Variants in RABGEF1 observed in about 807,000 individuals in gnomAD.
RABGEF1 encodes RAB guanine nucleotide exchange factor 1, also known as rab5 GDP/GTP exchange factor.
A neutral mutation model predicts 57.3 loss-of-function variants in RABGEF1; 26 were observed. That is an observed-to-expected ratio of 0.45 (90% confidence interval 0.33 to 0.63). The LOEUF (loss-of-function observed/expected upper bound fraction) is 0.63. RABGEF1 is among the 20% of genes least tolerant of loss of function. The probability of loss-of-function intolerance (pLI) is 0.02; values close to 1 mark genes in which losing one functional copy is unlikely to be tolerated. For synonymous variants in RABGEF1, 185 were observed against 210.7 expected (o/e 0.88, Z 1.06); for missense variants, 464 against 607.6 (o/e 0.76, Z 2.48).
intron 1 of RABGEF1, among the ~76,000 whole-genome samples, chr7:66,763,884 T>C (rs1385205047): frequency 1.3e-5 from 2 of 152,244 alleles, no homozygotes; most frequent in Non-Finnish European, 2.9e-5. Context: ...AATTCATCAG[T>C]TGATGTACAT....
At chr7:66,682,930 G>T (rs1441718077) in intron 1 of RABGEF1, among the ~76,000 whole-genome samples, 2 of 152,152 alleles carry the variant, frequency 1.3e-5, no homozygotes, top group African/African-American at 4.8e-5. Context: ...GGACTCTGCC[G>T]CTTTGGAGGC....
chr7:66,778,102 T>C (rs1272781416), intron 3 of RABGEF1, among the ~76,000 whole-genome samples: 1 of 152,166 alleles, frequency 6.6e-6, no homozygotes, highest in African/African-American at 2.4e-5. Context: ...GTTTGGCCAT[T>C]GTGTTTGGAT....
At chr7:66,757,588 A>G (rs187015778) in intron 1 of RABGEF1, among the ~76,000 whole-genome samples, 6 of 152,328 alleles carry the variant, frequency 3.9e-5, no homozygotes, top group Admixed American at 3.3e-4. Flanking sequence ...TACCATATAC[A>G]GTAACTGCCT....
the RABGEF1 span, among the ~76,000 whole-genome samples, chr7:66,676,056 C>T: frequency 1.3e-5 from 2 of 152,142 alleles, no homozygotes; most frequent in African/African-American, 2.4e-5. Flanking sequence ...CATGGTGGCT[C>T]AAGCCTCTAA....
the RABGEF1 span, among the ~76,000 whole-genome samples, chr7:66,660,511 CACAA>C: frequency 2.0e-5 from 3 of 151,902 alleles, no homozygotes; most frequent in African/African-American, 7.3e-5. Context: ...AAGACTGAAT[CACAA>C]ACAAAGAAAA....
intron 8 of RABGEF1, 52 bp from the exon 9 acceptor site, chr7:66,808,834 C>A: frequency 6.9e-7 from 1 of 1,441,226 alleles, no homozygotes; most frequent in South Asian, 1.3e-5. Flanking sequence ...CAAATCGACT[C>A]GAGTATGCAT....
chr7:66,672,174 G>A, the RABGEF1 span, among the ~76,000 whole-genome samples: 1 of 151,586 alleles, frequency 6.6e-6, no homozygotes, highest in Non-Finnish European at 1.5e-5. Context: ...TGTAATCCCA[G>A]CACTTTGGGA....
At chr7:66,795,444 T>TA in intron 4 of RABGEF1, 67 bp from the exon 5 acceptor site, 1 of 1,368,878 alleles carries the variant, frequency 7.3e-7, no homozygotes, top group Non-Finnish European at 1.0e-6. Context: ...GGAAAGTTCT[T>TA]AGAATGTAGA....
chr7:66,795,835 G>A (rs534952085), intron 5 of RABGEF1, among the ~76,000 whole-genome samples: 1 of 152,286 alleles, frequency 6.6e-6, no homozygotes, highest in South Asian at 2.1e-4. Context: ...GGGCAGGGCT[G>A]GAGCTGACGA....
At chr7:66,656,898 G>A in the RABGEF1 span, among the ~76,000 whole-genome samples, 99,191 of 150,326 alleles carry the variant, frequency 0.66, 33,106 homozygotes, top group African/African-American at 0.76. Flanking sequence ...TTTAAGCCAA[G>A]AATGGTTATG....
intron 1 of RABGEF1, among the ~76,000 whole-genome samples, chr7:66,695,396 G>T (rs1562704153): frequency 6.6e-6 from 1 of 152,212 alleles, no homozygotes; most frequent in Non-Finnish European, 1.5e-5. Context: ...GAGCTCAGAG[G>T]AAGGCTCTGG....
At chr7:66,714,614 G>A (rs570166031) in intron 2 of RABGEF1, among the ~76,000 whole-genome samples, 13 of 152,230 alleles carry the variant, frequency 8.5e-5, no homozygotes, top group African/African-American at 3.1e-4. Flanking sequence ...ACCTTGGGTT[G>A]ATTTTACTCT....
At position 66,810,015 on chromosome 7, in the gene RABGEF1, G is replaced by A. The variant is rs1466811194; in HGVS notation, c.*731G>A. The A allele has an allele frequency of 1.3e-5, 2 of 152,238 alleles. No homozygotes were observed. The highest frequency in any genetic ancestry group is 6.5e-5 in the Admixed American group (1 of 15,268). 9.4% of individuals were successfully genotyped at this position (152,238 alleles called of 1,614,324 possible). A position where few individuals can be genotyped will look rare whatever the true frequency, so the allele number is the denominator to read the frequency against. On this transcript the variant is annotated 3_prime_UTR_variant, in exon 9 of 9. Coordinates refer to ENST00000284957, the MANE Select transcript of RABGEF1 (RefSeq NM_014504.3). ...CATAAAATTGCTGTTTAATGTAGTC[G>A]ATGGAAGACTTTAAACTATGCTTCT...
intron 2 of RABGEF1, among the ~76,000 whole-genome samples, chr7:66,730,694 A>G (rs1348555120): frequency 6.6e-6 from 1 of 151,704 alleles, no homozygotes; most frequent in Non-Finnish European, 1.5e-5. Flanking sequence ...AGTAACTGGG[A>G]TTACAGGCAT....
the RABGEF1 span, among the ~76,000 whole-genome samples, chr7:66,676,769 G>A: frequency 6.6e-6 from 1 of 152,154 alleles, no homozygotes; most frequent in African/African-American, 2.4e-5. Flanking sequence ...TGTTTGCATG[G>A]AGGGGGTTCT....
intron 2 of RABGEF1, among the ~76,000 whole-genome samples, chr7:66,721,824 G>T (rs921704095): frequency 6.6e-6 from 1 of 151,940 alleles, no homozygotes; most frequent in East Asian, 1.9e-4. Flanking sequence ...AAATTTAGGT[G>T]GTTTGTCTTT....
chr7:66,694,617 G>A (rs1302395105), intron 1 of RABGEF1, among the ~76,000 whole-genome samples: 2 of 152,258 alleles, frequency 1.3e-5, no homozygotes, highest in Non-Finnish European at 2.9e-5. Flanking sequence ...GCAGGGCCCA[G>A]GAGCTAGTGA....
chr7:66,693,811 CTTTT>C (rs534419507), intron 1 of RABGEF1, among the ~76,000 whole-genome samples: 1 of 141,864 alleles, frequency 7.0e-6, no homozygotes. Context: ...CCTTTTTTTT[CTTTT>C]TTTTTTTTTT....
At chr7:66,803,613 G>A (rs1267162081) in intron 7 of RABGEF1, among the ~76,000 whole-genome samples, 1 of 152,152 alleles carries the variant, frequency 6.6e-6, no homozygotes, top group Non-Finnish European at 1.5e-5. Context: ...TTTTTCTGCC[G>A]GGAGCAGTGA....
Sources: allele counts gnomAD v4.1 joint callset (sites outside exome capture counted in the v4.1 genomes callset), GRCh38; gene constraint gnomAD v4.1.1; transcripts MANE v1.5; gene names NCBI Gene and HGNC (gene_info 2026-07-23, HGNC 2026-07-21).